TPO: variants seen among roughly 807,000 people sequenced by gnomAD.
TPO encodes thyroid microsomal antigen.
TPO carries 78 observed loss-of-function variants against 96.9 expected under a neutral mutation model. The observed-to-expected ratio is 0.81, with a 90% confidence interval of 0.67 to 0.97. TPO has a LOEUF of 0.97. Among genes scored for constraint, TPO ranks in the 50% least tolerant of loss-of-function variants. The probability of loss-of-function intolerance (pLI) is 0.00; values close to 1 mark genes in which losing one functional copy is unlikely to be tolerated. For missense variants in TPO, 1,252 were observed against 1,274.8 expected (o/e 0.98, Z 0.27); for synonymous variants, 547 against 538.0 (o/e 1.02, Z -0.23).
At chr2:1,382,180 A>C (rs1661821599) in intron 1 of TPO, among the ~76,000 whole-genome samples, 1 of 152,228 alleles carries the variant, frequency 6.6e-6, no homozygotes. Context: ...GGAGCGTTTC[A>C]GTCCCACTAG....
chr2:1,532,947 T>C (rs2125261868), intron 15 of TPO, among the ~76,000 whole-genome samples: 1 of 104,134 alleles, frequency 9.6e-6, no homozygotes, highest in Non-Finnish European at 1.8e-5. Flanking sequence ...ATGTGCAACC[T>C]CCTCAAATCC....
chr2:1,426,515 CCTT>C (rs1474148012), intron 3 of TPO, among the ~76,000 whole-genome samples: 2 of 152,038 alleles, frequency 1.3e-5, no homozygotes, highest in Non-Finnish European at 2.9e-5. Flanking sequence ...AGTCCATGCT[CCTT>C]CTGTAAAGTC....
At chr2:1,385,176 T>C (rs1191692590) in intron 1 of TPO, among the ~76,000 whole-genome samples, 2 of 152,200 alleles carry the variant, frequency 1.3e-5, no homozygotes, top group Admixed American at 6.5e-5. Context: ...TTCTCTTTTT[T>C]TGTTGTGTCT....
chr2:1,409,353 A>G (rs1662293074), upstream of TPO, among the ~76,000 whole-genome samples: 1 of 152,348 alleles, frequency 6.6e-6, no homozygotes, highest in Non-Finnish European at 1.5e-5. Flanking sequence ...TGACTCATAT[A>G]AACTGGGAAA....
chr2:1,482,099 G>A (rs552486186), intron 8 of TPO, among the ~76,000 whole-genome samples: 8 of 152,354 alleles, frequency 5.3e-5, no homozygotes, highest in South Asian at 2.1e-4. Flanking sequence ...GATGTTCTGC[G>A]TAGAGCAGGG....
chr2:1,532,213 C>CAA, intron 15 of TPO, among the ~76,000 whole-genome samples: 1 of 67,778 alleles, frequency 1.5e-5, no homozygotes, highest in African/African-American at 5.4e-5. Flanking sequence ...CCACTGTGAG[C>CAA]AACCTCCTCA....
rs372403056 is a variant in TPO at position 1,496,060 on chromosome 2, G to A, written c.2078G>A (p.Arg693Gln). ...RRELEKHSLS[R>Q]VICDNTGLTR... ...GAGCTGGAGAAGCACTCCCTGTCTC[G>A]GGTCATCTGTGACAACACTGGCCTC... is the stretch of plus-strand genomic sequence containing the variant. Residue 693 changes from arginine to glutamine, a missense_variant, in exon 12 of 17, where the codon CGG becomes CAG. By Grantham distance (43) the Arg-to-Gln change is conservative. Transcript: ENST00000329066. The A allele has an allele frequency of 9.9e-6, 16 of 1,613,852 alleles. No individual in the cohort carries two copies. The highest frequency in any genetic ancestry group is 2.2e-5 in the East Asian group (1 of 44,886).
At chr2:1,377,232 T>G (rs1661735707) in intron 1 of TPO, among the ~76,000 whole-genome samples, 1 of 152,188 alleles carries the variant, frequency 6.6e-6, no homozygotes, top group Non-Finnish European at 1.5e-5. Context: ...GATCAGCACC[T>G]CTGGTTATTT....
intron 15 of TPO, among the ~76,000 whole-genome samples, chr2:1,517,437 G>T (rs544510783): frequency 3.7e-4 from 56 of 152,186 alleles, no homozygotes; most frequent in Non-Finnish European, 7.8e-4. Context: ...GAAAGACTCA[G>T]ACCCGCACCT....
At chr2:1,459,503 T>C (rs1668208081) in intron 7 of TPO, among the ~76,000 whole-genome samples, 1 of 152,166 alleles carries the variant, frequency 6.6e-6, no homozygotes, top group Non-Finnish European at 1.5e-5. Flanking sequence ...TCATGTCCTC[T>C]CTAACATTCA....
Position 1,433,539 on chromosome 2 carries a change from T to G in TPO, c.281T>G (p.Met94Arg), listed in dbSNP as rs1325961136. The change falls in exon 4 of 17, where the codon ATG (methionine) becomes AGG (arginine). Residue 94 changes from methionine (M) to arginine (R), a missense_variant. Physicochemically the swap from Met to Arg is moderately conservative, Grantham distance 91. Transcript: ENST00000329066. ...GTGATTGCCCGAGCAGCAGAGATAA[T>G]GGAAACATCAATACAAGCGATGAAA... ...SGVIARAAEI[M>R]ETSIQAMKRK... 6.2e-7 allele frequency: 1 copy of G among 1,614,106 alleles called. No homozygotes were observed. Among genetic ancestry groups the G allele is most frequent in the African/African-American group, 1.3e-5 (1 of 75,006 alleles).
Position 1,436,336 on chromosome 2 carries a change from C to G in TPO, c.434C>G (p.Thr145Ser). The G allele has an allele frequency of 6.2e-7, 1 of 1,614,184 alleles. No homozygotes were observed. The highest frequency in any genetic ancestry group is 8.5e-7 in the Non-Finnish European group (1 of 1,180,038). Reference sequence around the variant, plus strand: ...ATGCTGCCCCCAAAATGCCCAAACACTTGCCTGGCGAACAAATACAGGCCC... The same window carrying G: ...ATGCTGCCCCCAAAATGCCCAAACAGTTGCCTGGCGAACAAATACAGGCCC... ...PYMLPPKCPN[T>S]CLANKYRPIT... Residue 145 changes from threonine to serine, a missense_variant, in exon 5 of 17, where the codon ACT becomes AGT. Physicochemically the swap from Thr to Ser is moderately conservative, Grantham distance 58. Coordinates refer to ENST00000329066, the MANE Select transcript of TPO (RefSeq NM_001206744.2).
chr2:1,531,136 C>G, intron 15 of TPO, among the ~76,000 whole-genome samples: 1 of 89,064 alleles, frequency 1.1e-5, no homozygotes, highest in Non-Finnish European at 2.2e-5. Context: ...CTCCCCAAAA[C>G]CCCCCACTGT....
At chr2:1,505,482 CCCA>C (rs1673332758) in intron 14 of TPO, among the ~76,000 whole-genome samples, 1 of 91,372 alleles carries the variant, frequency 1.1e-5, no homozygotes, top group African/African-American at 5.0e-5. Context: ...GCGCATCCCC[CCCA>C]CCCCGTGTCA....
At chr2:1,385,925 G>A (rs1011797356) in intron 1 of TPO, among the ~76,000 whole-genome samples, 32 of 151,936 alleles carry the variant, frequency 2.1e-4, no homozygotes, top group African/African-American at 6.5e-4. Flanking sequence ...CTTTGTTCTC[G>A]TTGGTTTCAA....
chr2:1,487,750 A>AG, intron 9 of TPO, 71 bp from the exon 10 acceptor site: 1 of 1,597,116 alleles, frequency 6.3e-7, no homozygotes, highest in East Asian at 2.2e-5. Context: ...AAAAAAAAAA[A>AG]AATTGAGATA....
intron 15 of TPO, among the ~76,000 whole-genome samples, chr2:1,519,086 G>A (rs1393720816): frequency 6.6e-6 from 1 of 152,206 alleles, no homozygotes; most frequent in African/African-American, 2.4e-5. Context: ...TGGGAAGATC[G>A]CCAGCAGCCA....
intron 5 of TPO, among the ~76,000 whole-genome samples, chr2:1,444,349 C>T (rs552432873): frequency 6.7e-4 from 101 of 149,770 alleles, no homozygotes; most frequent in African/African-American, 2.5e-3. Context: ...CTGCAGGAGG[C>T]ACCGTGTTGG....
intron 14 of TPO, among the ~76,000 whole-genome samples, chr2:1,508,768 TTC>T (rs976005970): frequency 6.5e-4 from 99 of 152,338 alleles, no homozygotes; most frequent in Non-Finnish European, 1.3e-3. Context: ...TATTTGATTC[TTC>T]TCTCTTTTCT....
Sources: gnomAD v4.1 joint callset for allele counts (sites outside exome capture counted in the v4.1 genomes callset) on GRCh38, gnomAD v4.1.1 for gene constraint, MANE v1.5 for transcripts, NCBI Gene and HGNC (gene_info 2026-07-23, HGNC 2026-07-21) for gene names.